The following MCMBP variants were observed in gnomAD, a reference collection of about 807,000 sequenced individuals.
The protein encoded by MCMBP is mini-chromosome maintenance complex-binding protein.
In MCMBP, 31 loss-of-function variants were observed where a neutral mutation model predicts 81.3. The ratio of observed to expected loss-of-function variants is 0.38; its 90% CI spans 0.29 to 0.51. The LOEUF (loss-of-function observed/expected upper bound fraction) is 0.51, where lower values mean the gene tolerates loss of function less well. Among genes scored for constraint, MCMBP ranks in the 20% least tolerant of loss-of-function variants. The probability of loss-of-function intolerance (pLI) is 0.87; values close to 1 mark genes in which losing one functional copy is unlikely to be tolerated. For synonymous variants in MCMBP, 267 were observed against 275.9 expected, an observed-to-expected ratio of 0.97 and a Z score of 0.32; for missense variants, 645 against 772.1, an observed-to-expected ratio of 0.84 and a Z score of 1.95.
chr10:119,840,800 T>A (rs750345525), intron 11 of MCMBP, 43 bp downstream of exon 11: 1 of 1,142,538 alleles, frequency 8.8e-7, no homozygotes, highest in Admixed American at 2.6e-5. Flanking sequence ...ATGGATTTTT[T>A]AAGTGTGCTT....
intron 6 of MCMBP, among the ~76,000 whole-genome samples, chr10:119,850,256 C>T (rs189471567): frequency 1.3e-5 from 2 of 152,256 alleles, no homozygotes; most frequent in East Asian, 3.9e-4. Flanking sequence ...ATGTAATATA[C>T]AATTCCATTC....
chr10:119,851,993 A>C (rs1852840168), intron 6 of MCMBP, among the ~76,000 whole-genome samples: 1 of 151,818 alleles, frequency 6.6e-6, no homozygotes, highest in Non-Finnish European at 1.5e-5. Context: ...TCTCTACTAA[A>C]AATACAAAAT....
intron 9 of MCMBP, 144 bp from the exon 10 acceptor site, chr10:119,842,739 T>A: frequency 2.4e-6 from 2 of 849,550 alleles, no homozygotes; most frequent in South Asian, 2.0e-5. Context: ...GTGATGCTAA[T>A]CTTAAAAATA....
intron 1 of MCMBP, among the ~76,000 whole-genome samples, chr10:119,867,584 C>T (rs1853517542): frequency 6.6e-6 from 1 of 152,062 alleles, no homozygotes; most frequent in Admixed American, 6.6e-5. Context: ...CATGTTGTGC[C>T]AATCAGATTT....
intron 13 of MCMBP, 104 bp from the exon 14 acceptor site, chr10:119,835,808 T>C: frequency 2.5e-6 from 3 of 1,181,804 alleles, no homozygotes; most frequent in Non-Finnish European, 2.4e-6. Context: ...AATTAGAAAA[T>C]ACCACTTATT....
chr10:119,844,065 A>G (rs1295244612), intron 8 of MCMBP, among the ~76,000 whole-genome samples: 1 of 152,256 alleles, frequency 6.6e-6, no homozygotes, highest in African/African-American at 2.4e-5. Context: ...ATTGGCCGGG[A>G]CATCGAATAC....
chr10:119,831,843 G>C (rs1852052826), intron 15 of MCMBP, among the ~76,000 whole-genome samples, 169 bp downstream of exon 15: 1 of 152,204 alleles, frequency 6.6e-6, no homozygotes, highest in Non-Finnish European at 1.5e-5. Flanking sequence ...TTCCACTGAA[G>C]AGATCACCAG....
chr10:119,854,886 G>A (rs936928777), intron 5 of MCMBP, among the ~76,000 whole-genome samples: 1 of 151,296 alleles, frequency 6.6e-6, no homozygotes, highest in Admixed American at 6.6e-5. Context: ...CCCGGGAAGC[G>A]GAGGTTGCAG....
chr10:119,833,328 T>C (rs186493937), intron 14 of MCMBP, among the ~76,000 whole-genome samples: 86 of 152,200 alleles, frequency 5.7e-4, no homozygotes, highest in African/African-American at 2.0e-3. Context: ...AAAGCAGAGT[T>C]GCCATATTAT....
chr10:119,849,001 TG>T (rs200808583), intron 7 of MCMBP, among the ~76,000 whole-genome samples: 4 of 152,090 alleles, frequency 2.6e-5, no homozygotes, highest in African/African-American at 4.8e-5. Flanking sequence ...AACCTTGAAA[TG>T]GGGGGGATTA....
At chr10:119,834,861 C>CAA (rs71019725) in intron 14 of MCMBP, among the ~76,000 whole-genome samples, 4,084 of 66,558 alleles carry the variant, frequency 0.061, 497 homozygotes, top group African/African-American at 0.085. Context: ...GACCCTGTCT[C>CAA]AAAAAAAAAA....
intron 5 of MCMBP, among the ~76,000 whole-genome samples, chr10:119,855,216 A>T (rs958245216): frequency 1.1e-4 from 16 of 152,164 alleles, no homozygotes; most frequent in African/African-American, 3.9e-4. Context: ...ATCACAAGGG[A>T]AATTAGAAAA....
intron 1 of MCMBP, among the ~76,000 whole-genome samples, chr10:119,863,566 T>C (rs2134400007): frequency 6.6e-6 from 1 of 150,536 alleles, no homozygotes; most frequent in South Asian, 2.1e-4. Context: ...CCGTCTCTAC[T>C]AAAAATACAA....
chr10:119,858,989 C>G (rs891861455), intron 3 of MCMBP, 52 bp downstream of exon 3: 24 of 1,610,894 alleles, frequency 1.5e-5, no homozygotes, highest in Non-Finnish European at 1.9e-5. Context: ...CTACCACCAA[C>G]AGTAAAAGGA....
Position 119,835,432 on chromosome 10 carries a change from G to A in MCMBP, c.1707+108C>T. The A allele has an allele frequency of 3.9e-6, 4 of 1,014,482 alleles. No homozygotes were observed. In the East Asian group the frequency reaches 1.0e-4, roughly 25 times the overall value. 62.8% of individuals were successfully genotyped at this position (1,014,482 alleles called of 1,614,324 possible). Reference sequence around the variant, plus strand: ...GTAACAGAGGAATAAAAAAAGACATGACAGAAAACAAATAACAAAATTACC... The same window carrying A: ...GTAACAGAGGAATAAAAAAAGACATAACAGAAAACAAATAACAAAATTACC... On this transcript the variant is annotated intron_variant, in intron 14 of 15. Transcript: ENST00000369077.
chr10:119,839,863 T>C (rs1486066531), intron 11 of MCMBP, among the ~76,000 whole-genome samples: 1 of 152,192 alleles, frequency 6.6e-6, no homozygotes, highest in East Asian at 1.9e-4. Context: ...TACTTTTCCA[T>C]CTGTGTGAGG....
At chr10:119,870,078 T>C (rs891377632) in intron 1 of MCMBP, among the ~76,000 whole-genome samples, 8 of 152,238 alleles carry the variant, frequency 5.3e-5, no homozygotes, top group Non-Finnish European at 7.3e-5. Flanking sequence ...TCTAGATTAT[T>C]GTGACACCTA....
rs79599682 is a variant in MCMBP at position 119,872,527 on chromosome 10, C to T, written c.58G>A (p.Ala20Thr). ...HPLGIVQGFF[A>T]QNGVNPDWEK... ...CCCGCCCCCCGGCGCCGCCACTCACCGAAGAATCCCTGCACGATTCCCAGC... is the reference window on the plus strand; with the variant it reads ...CCCGCCCCCCGGCGCCGCCACTCACTGAAGAATCCCTGCACGATTCCCAGC... The change falls in exon 1 of 16, where the codon GCC becomes ACC. Residue 20 changes from alanine (A) to threonine (T), a missense_variant and splice_region_variant. By Grantham distance (58) the Ala-to-Thr change is moderately conservative. Coordinates refer to ENST00000369077, the MANE Select transcript of MCMBP (RefSeq NM_001256378.2). 4.3e-3 allele frequency: 5,156 copies of T among 1,196,336 alleles called. 206 individuals carry two copies. In the African/African-American group the frequency reaches 0.077, roughly 18 times the overall value. The allele number at this position is 1,196,336 out of a possible 1,614,324, so 74.1% of individuals were successfully genotyped here.
rs776055023 is a variant in MCMBP at position 119,847,620 on chromosome 10, C to T, written c.820G>A (p.Asp274Asn). The T allele has an allele frequency of 5.6e-6, 9 of 1,593,510 alleles. No homozygotes were observed. Among genetic ancestry groups the T allele is most frequent in the Non-Finnish European group, 3.4e-6 (4 of 1,165,116 alleles). Residue 274 changes from aspartate (D) to asparagine (N), a missense_variant, in exon 8 of 16, where the codon GAT becomes AAT. Transcript: ENST00000369077. ...AAGAGCACACAGACTCACCTTTCAT[C>T]ATTATTCAGTATACTCAGCACAGGA... The part of the protein sequence containing the change: ...VDPVLSILNN[D>N]ERDASALLDP...
Sources: allele counts gnomAD v4.1 joint callset (sites outside exome capture counted in the v4.1 genomes callset), GRCh38; gene constraint gnomAD v4.1.1; transcripts MANE v1.5; gene names NCBI Gene and HGNC (gene_info 2026-07-23, HGNC 2026-07-21).